The following IGSF21 variants were observed in gnomAD, a reference collection of about 807,000 sequenced individuals.
IGSF21 encodes immunoglobin superfamily member 21, also known as immunoglobulin superfamily member 21.
Under a neutral mutation model 46.8 loss-of-function variants are expected in IGSF21, and 28 were observed. The observed-to-expected ratio is 0.60, with a 90% CI of 0.44 to 0.82. The LOEUF (loss-of-function observed/expected upper bound fraction) is 0.82. Among genes scored for constraint, IGSF21 ranks in the 40% least tolerant of loss-of-function variants. The pLI is 0.00. For synonymous variants in IGSF21, 284 were observed against 273.6 expected (o/e 1.04, Z -0.38); for missense variants, 624 against 665.5 (o/e 0.94, Z 0.69).
At chr1:18,205,974 TG>T (rs1488659116) in intron 1 of IGSF21, among the ~76,000 whole-genome samples, 1 of 152,250 alleles carries the variant, frequency 6.6e-6, no homozygotes, top group African/African-American at 2.4e-5. Context: ...CAACAATTCC[TG>T]GATACTGTTT....
chr1:18,337,677 C>T lies in IGSF21; in HGVS notation c.424+2667C>T, dbSNP rs896905552. The stretch of plus-strand genomic sequence containing the variant: ...TCTGGGCTTCTTCCCCAAAGGTCTG[C>T]GTGTCCTGGCACCATGCACCTATGG... On this transcript the variant is annotated intron_variant, in intron 4 of 9. Transcript: ENST00000251296. The surrounding 1 kb of genome is among the most constrained non-coding windows in gnomAD (Gnocchi z 5.7). 3.9e-5 allele frequency among the ~76,000 whole-genome samples: 6 copies of T among 152,124 alleles called. No individual in the cohort carries two copies. The highest frequency in any genetic ancestry group is 2.0e-4 in the Admixed American group (3 of 15,280).
At chr1:18,123,498 T>TAGGC (rs2086252095) in intron 1 of IGSF21, among the ~76,000 whole-genome samples, 1 of 152,150 alleles carries the variant, frequency 6.6e-6, no homozygotes, top group South Asian at 2.1e-4. Flanking sequence ...TTGGGGCTGA[T>TAGGC]AGGCAGGCAA....
chr1:18,271,060 G>C (rs1199817736), intron 2 of IGSF21, among the ~76,000 whole-genome samples: 1 of 152,202 alleles, frequency 6.6e-6, no homozygotes, highest in Non-Finnish European at 1.5e-5. Flanking sequence ...TTATTAGAAG[G>C]TGTCCTAATA....
intron 3 of IGSF21, among the ~76,000 whole-genome samples, chr1:18,294,907 G>T (rs140229690): frequency 6.6e-6 from 1 of 152,254 alleles, no homozygotes; most frequent in Non-Finnish European, 1.5e-5. Context: ...GCGGGACTCC[G>T]CATTTACATA....
At chr1:18,268,090 A>C (rs938266044) in intron 2 of IGSF21, among the ~76,000 whole-genome samples, 2 of 152,250 alleles carry the variant, frequency 1.3e-5, no homozygotes, top group East Asian at 3.8e-4. Context: ...ACAGGTGCTT[A>C]ATCAATGCAT....
chr1:18,115,878 A>G (rs1297665081), intron 1 of IGSF21: 3 of 121,886 alleles, frequency 2.5e-5, no homozygotes, highest in East Asian at 3.9e-4. Flanking sequence ...AGAAAGAAAG[A>G]AAGAAAGAAA....
chr1:18,184,384 G>C (rs546250752), intron 1 of IGSF21, among the ~76,000 whole-genome samples: 8 of 151,976 alleles, frequency 5.3e-5, no homozygotes, highest in Non-Finnish European at 1.2e-4. Context: ...ATTTGGAAAC[G>C]TCCCTGGGGT....
intron 1 of IGSF21, among the ~76,000 whole-genome samples, chr1:18,132,170 TG>T (rs2086327375): frequency 3.8e-3 from 1 of 260 alleles, no homozygotes; most frequent in Non-Finnish European, 0.025. Context: ...TCTGGATGAA[TG>T]GATGGATGGA....
At chr1:18,133,926 A>G (rs771256237) in intron 1 of IGSF21, among the ~76,000 whole-genome samples, 2 of 152,254 alleles carry the variant, frequency 1.3e-5, no homozygotes, top group Non-Finnish European at 2.9e-5. Flanking sequence ...ATAAAATGAG[A>G]ATAATAAGAA....
chr1:18,240,825 AG>A (rs1184872596), intron 2 of IGSF21, among the ~76,000 whole-genome samples: 1 of 152,208 alleles, frequency 6.6e-6, no homozygotes, highest in East Asian at 1.9e-4. Flanking sequence ...TCCTGGGCCC[AG>A]TGCACCCAGA....
chr1:18,134,764 G>T (rs959440052), intron 1 of IGSF21, among the ~76,000 whole-genome samples: 53 of 152,190 alleles, frequency 3.5e-4, no homozygotes, highest in African/African-American at 1.2e-3. Flanking sequence ...CTCTGCCCCA[G>T]GGTCCATGGG....
chr1:18,266,907 C>T (rs926582550), intron 2 of IGSF21, among the ~76,000 whole-genome samples: 1 of 152,132 alleles, frequency 6.6e-6, no homozygotes, highest in Non-Finnish European at 1.5e-5. Context: ...TCTGTGAGCT[C>T]CCAATCAAAC....
At chr1:18,209,639 T>G (rs1329555986) in intron 1 of IGSF21, among the ~76,000 whole-genome samples, 2 of 150,696 alleles carry the variant, frequency 1.3e-5, no homozygotes, top group Non-Finnish European at 3.0e-5. Context: ...TTTTTTTTTT[T>G]TTAGTAGAGA....
At chr1:18,140,628 C>T (rs2086407387) in intron 1 of IGSF21, among the ~76,000 whole-genome samples, 1 of 152,238 alleles carries the variant, frequency 6.6e-6, no homozygotes, top group Non-Finnish European at 1.5e-5. Flanking sequence ...CTGCTGTGCC[C>T]TCTGCCTGGT....
chr1:18,255,222 C>A (rs955600909), intron 2 of IGSF21, among the ~76,000 whole-genome samples: 1 of 152,184 alleles, frequency 6.6e-6, no homozygotes, highest in African/African-American at 2.4e-5. Flanking sequence ...GCCTCAAGAG[C>A]ATGGCAATCT....
chr1:18,237,916 C>T (rs892620511), intron 2 of IGSF21, among the ~76,000 whole-genome samples: 20 of 152,226 alleles, frequency 1.3e-4, no homozygotes, highest in African/African-American at 4.6e-4. Context: ...AGAAAGATCC[C>T]GCTCTAGCCC....
intron 4 of IGSF21, among the ~76,000 whole-genome samples, chr1:18,345,054 C>T (rs1365345311): frequency 6.6e-6 from 1 of 152,180 alleles, no homozygotes; most frequent in Non-Finnish European, 1.5e-5. Context: ...CAGAAACCCC[C>T]AGGGTCTGAG....
intron 2 of IGSF21, among the ~76,000 whole-genome samples, chr1:18,262,058 CAG>C (rs1208476888): frequency 2.6e-5 from 4 of 152,178 alleles, no homozygotes; most frequent in South Asian, 2.1e-4. Flanking sequence ...GCCCCACCTC[CAG>C]AGAGTCTGAT....
intron 1 of IGSF21, chr1:18,115,849 GAAAGAAAGAAAGAAAGAAAGA>G (rs1557543433): frequency 6.2e-5 from 5 of 80,060 alleles, no homozygotes; most frequent in East Asian, 8.8e-4. Context: ...AAGGAAGAAA[GAAAGAAAGAAAGAAAGAAAGA>G]AAGAAAGAAA....
Sources: gnomAD v4.1 joint callset for allele counts (sites outside exome capture counted in the v4.1 genomes callset) on GRCh38, gnomAD v4.1.1 for gene constraint, Gnocchi (gnomAD v3.1) non-coding constraint, MANE v1.5 for transcripts, NCBI Gene and HGNC (gene_info 2026-07-23, HGNC 2026-07-21) for gene names.